The following LGR6 variants were observed in gnomAD, a reference collection of about 807,000 sequenced individuals.
LGR6 encodes the protein leucine-rich repeat-containing G protein-coupled receptor 6.
A neutral mutation model predicts 69.4 loss-of-function variants in LGR6; 45 were observed. That is an observed-to-expected ratio of 0.65 (90% confidence interval 0.51 to 0.83). LGR6 has a LOEUF of 0.83. Among genes scored for constraint, LGR6 ranks in the 40% least tolerant of loss-of-function variants. LGR6 has a pLI of 0.00. For missense variants in LGR6, 1,108 were observed against 1,246.7 expected, an observed-to-expected ratio of 0.89 and a Z score of 1.68; for synonymous variants, 538 against 555.0, an observed-to-expected ratio of 0.97 and a Z score of 0.43.
At chr1:202,288,799 C>T (rs1235017478) in intron 6 of LGR6, among the ~76,000 whole-genome samples, 1 of 152,148 alleles carries the variant, frequency 6.6e-6, no homozygotes, top group Non-Finnish European at 1.5e-5. Context: ...GCCAGTTGTT[C>T]AGAACTGCAA....
intron 4 of LGR6, among the ~76,000 whole-genome samples, chr1:202,261,661 T>A (rs896844315): frequency 7.2e-5 from 11 of 152,236 alleles, no homozygotes; most frequent in African/African-American, 2.7e-4. Context: ...ATCACCACAC[T>A]GACTTCCACA....
At chr1:202,272,612 T>C (rs1665195768) in intron 4 of LGR6, among the ~76,000 whole-genome samples, 2 of 152,318 alleles carry the variant, frequency 1.3e-5, no homozygotes, top group South Asian at 4.1e-4. Context: ...GCTGAGAAAG[T>C]AAGGCCCTGT....
intron 4 of LGR6, among the ~76,000 whole-genome samples, chr1:202,257,048 C>T (rs2993440): frequency 0.47 from 70,996 of 151,960 alleles, 17,563 homozygotes; most frequent in East Asian, 0.7. Context: ...TTGCCTATTT[C>T]CTGACTGGGT....
At chr1:202,274,918 C>T (rs1334508383) in intron 4 of LGR6, among the ~76,000 whole-genome samples, 1 of 152,234 alleles carries the variant, frequency 6.6e-6, no homozygotes, top group Non-Finnish European at 1.5e-5. Context: ...TGTGCTTTCA[C>T]ACCCAAGACT....
intron 6 of LGR6, among the ~76,000 whole-genome samples, chr1:202,293,669 C>T (rs1003191199): frequency 1.3e-5 from 2 of 152,182 alleles, no homozygotes; most frequent in African/African-American, 4.8e-5. Context: ...ATTACATCTA[C>T]ATGGTACTAT....
At chr1:202,259,915 C>T (rs77735031) in intron 4 of LGR6, among the ~76,000 whole-genome samples, 18 of 152,206 alleles carry the variant, frequency 1.2e-4, no homozygotes, top group Admixed American at 6.5e-5. Flanking sequence ...TCAGCAATCA[C>T]GGTCCTGCGC....
chr1:202,264,841 TC>T (rs1227157296), intron 4 of LGR6, among the ~76,000 whole-genome samples: 2 of 152,092 alleles, frequency 1.3e-5, no homozygotes, highest in Non-Finnish European at 2.9e-5. Context: ...GGAAGCACTT[TC>T]TCTGCCCGCC....
intron 6 of LGR6, among the ~76,000 whole-genome samples, chr1:202,283,576 T>C (rs1666175052): frequency 6.6e-6 from 1 of 152,208 alleles, no homozygotes; most frequent in Non-Finnish European, 1.5e-5. Context: ...GCGGTTTGGC[T>C]GGAGCTGTGG....
intron 1 of LGR6, among the ~76,000 whole-genome samples, chr1:202,223,049 C>T (rs1189335920): frequency 6.6e-6 from 1 of 151,724 alleles, no homozygotes; most frequent in African/African-American, 2.4e-5. Flanking sequence ...TGCAGTGAGC[C>T]GAGATCACAC....
Position 202,275,258 on chromosome 1 carries a change from A to G in LGR6, c.429-1048A>G, listed in dbSNP as rs147712885. On this transcript the variant is annotated intron_variant, in intron 4 of 17. Coordinates refer to ENST00000367278, the MANE Select transcript of LGR6 (RefSeq NM_001017403.2). ...GGCTAAGCCTCGCTTCAAGATAGGA[A>G]AGTCCAGCAATAGATCCATGGTACA... is the stretch of plus-strand genomic sequence containing the variant. Among the ~76,000 whole-genome samples, 397 of 152,282 alleles carry G rather than the reference A, an allele frequency of 2.6e-3. 5 individuals are homozygous for G. The highest frequency in any genetic ancestry group is 9.1e-3 in the African/African-American group (378 of 41,552).
At chr1:202,296,693 T>C (rs1273033006) in intron 6 of LGR6, among the ~76,000 whole-genome samples, 1 of 152,232 alleles carries the variant, frequency 6.6e-6, no homozygotes, top group East Asian at 1.9e-4. Flanking sequence ...GAAGCTGTGG[T>C]CACTTATGGG....
Position 202,280,638 on chromosome 1 carries a change from T to C in LGR6, c.645-143T>C, listed in dbSNP as rs1257958342. On this transcript the variant is annotated intron_variant, in intron 5 of 17. Transcript: ENST00000367278. ...AAGTCAGTCTTGGCCAGTCAGTTTGTTCCTGGAAACAAACGGATGGACCAT... is the reference window on the plus strand; with the variant it reads ...AAGTCAGTCTTGGCCAGTCAGTTTGCTCCTGGAAACAAACGGATGGACCAT... 1.4e-5 allele frequency: 11 copies of C among 772,366 alleles called. No homozygotes were observed. The East Asian group carries it at 2.8e-4, about 20-fold the overall frequency. 47.8% of individuals were successfully genotyped at this position (772,366 alleles called of 1,614,324 possible). A position where few individuals can be genotyped will look rare whatever the true frequency, so the allele number is the denominator to read the frequency against.
chr1:202,271,092 C>T (rs1337203051), intron 4 of LGR6, among the ~76,000 whole-genome samples: 1 of 152,182 alleles, frequency 6.6e-6, no homozygotes, highest in African/African-American at 2.4e-5. Flanking sequence ...AGAGGCGCTG[C>T]TGGGGGTTGT....
At chr1:202,218,051 A>G (rs1208315109) in intron 1 of LGR6, among the ~76,000 whole-genome samples, 1 of 152,184 alleles carries the variant, frequency 6.6e-6, no homozygotes, top group Admixed American at 6.5e-5. Flanking sequence ...ATCTCTGGTA[A>G]GAAGGTGCCA....
intron 4 of LGR6, among the ~76,000 whole-genome samples, chr1:202,270,689 C>T (rs1274376546): frequency 6.6e-6 from 1 of 152,226 alleles, no homozygotes; most frequent in Non-Finnish European, 1.5e-5. Context: ...ACGCTATTGT[C>T]CTGGGTCGCT....
At chr1:202,269,176 G>A (rs1057429816) in intron 4 of LGR6, among the ~76,000 whole-genome samples, 5 of 152,146 alleles carry the variant, frequency 3.3e-5, no homozygotes, top group Non-Finnish European at 5.9e-5. Context: ...AAAGTGCTGG[G>A]ATTATAGACA....
chr1:202,226,769 G>A (rs376192558), intron 2 of LGR6, among the ~76,000 whole-genome samples: 1 of 152,222 alleles, frequency 6.6e-6, no homozygotes, highest in Non-Finnish European at 1.5e-5. Context: ...GGCATTCTGT[G>A]TAAGGGAGTG....
At chr1:202,292,704 C>G (rs1666881350) in intron 6 of LGR6, among the ~76,000 whole-genome samples, 1 of 152,242 alleles carries the variant, frequency 6.6e-6, no homozygotes, top group South Asian at 2.1e-4. Flanking sequence ...TATGATAAGC[C>G]AGCACTGCCC....
Position 202,260,531 on chromosome 1 carries a change from A to T in LGR6, c.429-15775A>T, listed in dbSNP as rs150746410. On this transcript the variant is annotated intron_variant, in intron 4 of 17. Transcript: ENST00000367278. ...GTATTTTTAGTAGAGAAAGGGTTTCACCATGTTGGCCAGGCTGGTCTCGAA... is the reference window on the plus strand; with the variant it reads ...GTATTTTTAGTAGAGAAAGGGTTTCTCCATGTTGGCCAGGCTGGTCTCGAA... Among the ~76,000 whole-genome samples, 731 of 152,156 alleles carry T rather than the reference A, an allele frequency of 4.8e-3. 8 individuals carry two copies. The highest frequency in any genetic ancestry group is 0.016 in the African/African-American group (665 of 41,502).
Sources: gnomAD v4.1 joint callset for allele counts (sites outside exome capture counted in the v4.1 genomes callset) on GRCh38, gnomAD v4.1.1 for gene constraint, MANE v1.5 for transcripts, NCBI Gene and HGNC (gene_info 2026-07-23, HGNC 2026-07-21) for gene names.